The following LPP variants were observed in gnomAD, a reference collection of about 807,000 sequenced individuals.
LPP encodes the protein LIM domain containing preferred translocation partner in lipoma, also known as lipoma-preferred partner.
Under a neutral mutation model 60.4 loss-of-function variants are expected in LPP, and 38 were observed. The ratio of observed to expected loss-of-function variants is 0.63; its 90% CI spans 0.49 to 0.83. LPP has a LOEUF of 0.83. Among genes scored for constraint, LPP ranks in the 40% least tolerant of loss-of-function variants. The pLI is 0.00. For missense variants in LPP, 902 were observed against 783.6 expected, an observed-to-expected ratio of 1.15 and a Z score of -1.80; for synonymous variants, 328 against 290.8, an observed-to-expected ratio of 1.13 and a Z score of -1.30.
chr3:188,412,461 C>A (rs924462788), intron 4 of LPP, among the ~76,000 whole-genome samples: 3 of 152,102 alleles, frequency 2.0e-5, no homozygotes, highest in African/African-American at 7.2e-5. Flanking sequence ...GTAGAAAATT[C>A]TTACTGTCAC....
At chr3:188,481,171 A>G (rs555683695) in intron 4 of LPP, among the ~76,000 whole-genome samples, 9 of 152,258 alleles carry the variant, frequency 5.9e-5, no homozygotes, top group Admixed American at 4.6e-4. Flanking sequence ...TTTTTCATTG[A>G]AACTCTCCCG....
rs1769564400 is a variant in LPP, at chr3:188,878,776, GAAAGAAAGA to G, written c.*4307_*4315del. ...TAAAAAAGTAAAAAAAAAAAAAAAAGAAAGAAAGAAAAGAAAGAGAGAGAAGTCAACTTT... is the reference window on the plus strand; with the variant it reads ...TAAAAAAGTAAAAAAAAAAAAAAAAGAAAGAAAGAGAGAGAAGTCAACTTT... On this transcript the variant is annotated 3_prime_UTR_variant, in exon 12 of 12. Coordinates refer to ENST00000617246, the MANE Select transcript of LPP (RefSeq NM_001375462.1). 1 of 147,062 alleles carries G rather than the reference GAAAGAAAGA, an allele frequency of 6.8e-6. No homozygotes were observed. The highest frequency in any genetic ancestry group is 9.8e-5 in the East Asian group (1 of 10,230). The allele number at this position is 147,062 out of a possible 1,614,324, so 9.1% of individuals were successfully genotyped here. A position where few individuals can be genotyped will look rare whatever the true frequency, so the allele number is the denominator to read the frequency against.
chr3:188,654,216 A>T (rs1425621086), intron 7 of LPP, among the ~76,000 whole-genome samples: 1 of 152,226 alleles, frequency 6.6e-6, no homozygotes. Flanking sequence ...TTTAAGTGCC[A>T]TGAAGAGAAA....
At chr3:188,415,488 G>A (rs895910470) in intron 4 of LPP, among the ~76,000 whole-genome samples, 1 of 151,658 alleles carries the variant, frequency 6.6e-6, no homozygotes, top group Non-Finnish European at 1.5e-5. Context: ...GTACATGGAT[G>A]TTCATAGCAA....
chr3:188,751,934 T>A (rs1379861982), intron 8 of LPP, among the ~76,000 whole-genome samples: 2 of 152,200 alleles, frequency 1.3e-5, no homozygotes, highest in Non-Finnish European at 2.9e-5. Context: ...AGTAAAATAT[T>A]GATAAATATA....
chr3:188,460,340 G>C (rs992837908), intron 4 of LPP, among the ~76,000 whole-genome samples: 1 of 152,150 alleles, frequency 6.6e-6, no homozygotes, highest in Non-Finnish European at 1.5e-5. Flanking sequence ...TATACAAAGA[G>C]ATCAAGCAAG....
chr3:188,746,625 C>G (rs1726306198), intron 8 of LPP: 4 of 454,594 alleles, frequency 8.8e-6, no homozygotes, highest in Admixed American at 7.4e-5. Flanking sequence ...GAAACCGTTA[C>G]TGAGCGTATC....
At chr3:188,586,589 CCATTTTACTAAAA>C (rs1837497932) in intron 6 of LPP, among the ~76,000 whole-genome samples, 1 of 152,030 alleles carries the variant, frequency 6.6e-6, no homozygotes, top group Non-Finnish European at 1.5e-5. Flanking sequence ...CAGGCAGCAC[CCATTTTACTAAAA>C]CATGCTTAGA....
intron 2 of LPP, among the ~76,000 whole-genome samples, chr3:188,292,779 A>G (rs1056935293): frequency 2.0e-5 from 3 of 152,224 alleles, no homozygotes; most frequent in African/African-American, 4.8e-5. Context: ...CTTGAAAAGC[A>G]TGCTTTATAA....
Position 188,879,937 on chromosome 3 carries a change from C to A in LPP, c.*5458C>A, listed in dbSNP as rs71308938. On this transcript the variant is annotated 3_prime_UTR_variant, in exon 12 of 12. Transcript: ENST00000617246. Reference sequence around the variant, plus strand: ...TCCTTTTCTATTTAATTTTCCTGGCCCTTGTGCAAAAAATTGTGGACTCTA... The same window carrying A: ...TCCTTTTCTATTTAATTTTCCTGGCACTTGTGCAAAAAATTGTGGACTCTA... The A allele has an allele frequency of 0.041, 7,413 of 181,358 alleles. 218 individuals carry two copies. The highest frequency in any genetic ancestry group is 0.063 in the Non-Finnish European group (5,389 of 85,020). 11.2% of individuals were successfully genotyped at this position (181,358 alleles called of 1,614,324 possible). A position where few individuals can be genotyped will look rare whatever the true frequency, so the allele number is the denominator to read the frequency against.
At chr3:188,318,415 A>C (rs1193381752) in intron 2 of LPP, among the ~76,000 whole-genome samples, 1 of 130,468 alleles carries the variant, frequency 7.7e-6, no homozygotes, top group Non-Finnish European at 1.6e-5. Flanking sequence ...ATTTCCAAAA[A>C]AACAAAAAAA....
chr3:188,753,310 A>G (rs1477667881), intron 8 of LPP, among the ~76,000 whole-genome samples: 3 of 152,208 alleles, frequency 2.0e-5, no homozygotes, highest in Non-Finnish European at 2.9e-5. Flanking sequence ...TTTCCTTCAC[A>G]ATACATATAT....
At chr3:188,163,321 G>C (rs1051828207) in intron 1 of LPP, among the ~76,000 whole-genome samples, 3 of 152,084 alleles carry the variant, frequency 2.0e-5, no homozygotes, top group African/African-American at 7.2e-5. Flanking sequence ...ATCAGGACAG[G>C]GCAGGGTCAC....
chr3:188,328,802 T>A (rs533115202), intron 2 of LPP, among the ~76,000 whole-genome samples: 1 of 152,336 alleles, frequency 6.6e-6, no homozygotes, highest in South Asian at 2.1e-4. Context: ...TAAAAATATG[T>A]CTACTTTTTG....
intron 6 of LPP, among the ~76,000 whole-genome samples, chr3:188,536,919 A>G (rs1272092719): frequency 6.6e-6 from 1 of 152,168 alleles, no homozygotes; most frequent in African/African-American, 2.4e-5. Context: ...GCTTCTTACC[A>G]TTCAGGAATC....
chr3:188,850,187 C>T (rs937783147), intron 9 of LPP, among the ~76,000 whole-genome samples: 2 of 152,030 alleles, frequency 1.3e-5, no homozygotes, highest in African/African-American at 2.4e-5. Flanking sequence ...ACAGAGAAAA[C>T]GGGGAAGCTG....
chr3:188,233,185 A>T (rs1720702065), intron 2 of LPP, among the ~76,000 whole-genome samples: 1 of 152,234 alleles, frequency 6.6e-6, no homozygotes, highest in Non-Finnish European at 1.5e-5. Flanking sequence ...AACTACAAAC[A>T]TCATAATGTG....
chr3:188,727,500 A>G (rs1322415798), intron 8 of LPP, among the ~76,000 whole-genome samples: 2 of 152,204 alleles, frequency 1.3e-5, no homozygotes, highest in Non-Finnish European at 1.5e-5. Flanking sequence ...ATTATAAAAT[A>G]TATTAAAATA....
intron 3 of LPP, among the ~76,000 whole-genome samples, chr3:188,403,210 T>A (rs1254789633): frequency 6.6e-6 from 1 of 152,160 alleles, no homozygotes; most frequent in Non-Finnish European, 1.5e-5. Context: ...GTGGAGCCAA[T>A]GATTTGCATA....
Sources: allele counts gnomAD v4.1 joint callset (sites outside exome capture counted in the v4.1 genomes callset), GRCh38; gene constraint gnomAD v4.1.1; transcripts MANE v1.5; gene names NCBI Gene and HGNC (gene_info 2026-07-23, HGNC 2026-07-21).